WNK1: variants seen among roughly 807,000 people sequenced by gnomAD.
WNK1 encodes WNK lysine deficient protein kinase 1.
In WNK1, 38 loss-of-function variants were observed where a neutral mutation model predicts 222.8. The observed-to-expected ratio is 0.17, with a 90% CI of 0.13 to 0.22. The LOEUF (loss-of-function observed/expected upper bound fraction) is 0.22, where lower values mean the gene tolerates loss of function less well. Ranked by LOEUF, WNK1 falls within the 10% of genes least tolerant of loss-of-function variation. WNK1 has a pLI of 1.00. For missense variants in WNK1, 2,348 were observed against 2,918.4 expected (o/e 0.80, Z 4.50); for synonymous variants, 1,090 against 1,092.9 (o/e 1.00, Z 0.05).
At chr12:889,392 C>T (rs971724249) in intron 21 of WNK1, among the ~76,000 whole-genome samples, 169 bp downstream of exon 21, 1 of 152,190 alleles carries the variant, frequency 6.6e-6, no homozygotes, top group Non-Finnish European at 1.5e-5. Context: ...CATGCTGACT[C>T]AGGAGTATCA....
chr12:890,489 G>A lies in WNK1; in HGVS notation c.5485G>A (p.Ala1829Thr). ...GGCGGCTCCAACAGCAATCACAGAA[G>A]CAGGAACACAGCCTCAGAAGGGTGG... ...SMAAPTAITE[A>T]GTQPQKGVSQ... Residue 1829 changes from alanine to threonine, a missense_variant, in exon 22 of 28, where the codon GCA (alanine) becomes ACA (threonine). Transcript: ENST00000315939. 1 of 1,614,148 alleles carries A rather than the reference G, an allele frequency of 6.2e-7. No homozygotes were observed. Among genetic ancestry groups the A allele is most frequent in the Non-Finnish European group, 8.5e-7 (1 of 1,180,002 alleles).
chr12:897,566 T>A lies in WNK1; in HGVS notation c.6333T>A (p.Ala2111=). The A allele has an allele frequency of 6.2e-7, 1 of 1,614,110 alleles. No homozygotes were observed. Among genetic ancestry groups the A allele is most frequent in the Non-Finnish European group, 8.5e-7 (1 of 1,179,912 alleles). Residue 2111 remains alanine, a synonymous_variant, in exon 25 of 28, where the codon GCT becomes GCA. Transcript: ENST00000315939. ...LYTKLGKVPP[A]VIIPPAAPLS... ...CCAAACTGGGCAAGGTGCCCCCTGC[T>A]GTTATTATTCCCCCAGCTGCTCCCC...
chr12:879,515 T>TTG, intron 10 of WNK1, 58 bp from the exon 11 acceptor site: 1 of 144,638 alleles, frequency 6.9e-6, no homozygotes, highest in South Asian at 7.2e-5. Flanking sequence ...CAGCCTTGCT[T>TTG]TTTTTTTTTT....
At chr12:881,066 A>C in intron 12 of WNK1, 67 bp downstream of exon 12, 2 of 1,591,764 alleles carry the variant, frequency 1.3e-6, no homozygotes, top group Non-Finnish European at 1.7e-6. Flanking sequence ...ATGATAAAGG[A>C]GAAAGAAACA....
chr12:772,826 G>A (rs1050297245), intron 1 of WNK1, among the ~76,000 whole-genome samples: 1 of 152,142 alleles, frequency 6.6e-6, no homozygotes, highest in Non-Finnish European at 1.5e-5. Context: ...TCTTTGTTCA[G>A]AGATTTGCAA....
rs75014878 is a variant in WNK1 at position 808,722 on chromosome 12, C to T, written c.760-4920C>T. Among the ~76,000 whole-genome samples, 618 of 150,376 alleles carry T rather than the reference C, an allele frequency of 4.1e-3. 4 individuals are homozygous for T. The highest frequency in any genetic ancestry group is 0.014 in the African/African-American group (579 of 40,970). On this transcript the variant is annotated intron_variant, in intron 1 of 27. Coordinates refer to ENST00000315939, the MANE Select transcript of WNK1 (RefSeq NM_018979.4). ...GGGTGCCTAATGAATAGAACCTATGCATTCGTATACATCTGGCTTGAGAAA... is the reference window on the plus strand; with the variant it reads ...GGGTGCCTAATGAATAGAACCTATGTATTCGTATACATCTGGCTTGAGAAA...
chr12:767,254 T>G (rs1426708715), intron 1 of WNK1, among the ~76,000 whole-genome samples: 1 of 133,486 alleles, frequency 7.5e-6, no homozygotes, highest in Non-Finnish European at 1.6e-5. Flanking sequence ...TTTTTTTTTT[T>G]TTTTTTTTTT....
At chr12:892,039 T>C (rs1954290603) in intron 22 of WNK1, among the ~76,000 whole-genome samples, 1 of 151,044 alleles carries the variant, frequency 6.6e-6, no homozygotes, top group Non-Finnish European at 1.5e-5. Context: ...AACTAACTTT[T>C]TTTTTTTTTT....
At chr12:804,568 T>G (rs1591778630) in intron 1 of WNK1, among the ~76,000 whole-genome samples, 1 of 152,308 alleles carries the variant, frequency 6.6e-6, no homozygotes, top group South Asian at 2.1e-4. Flanking sequence ...AGGTGGGGTT[T>G]CACCATGTTG....
intron 8 of WNK1, among the ~76,000 whole-genome samples, chr12:867,120 CAAAAA>C (rs1022761424): frequency 6.7e-6 from 1 of 150,260 alleles, no homozygotes; most frequent in Non-Finnish European, 1.5e-5. Context: ...GACTCCATCT[CAAAAA>C]AAAGAAAAAA....
At chr12:776,670 T>C (rs1355491493) in intron 1 of WNK1, among the ~76,000 whole-genome samples, 2 of 151,454 alleles carry the variant, frequency 1.3e-5, no homozygotes, top group Admixed American at 6.6e-5. Flanking sequence ...GACCTCGTGA[T>C]CTGCCCGCCT....
At chr12:832,068 AT>A (rs1026489648) in intron 4 of WNK1, among the ~76,000 whole-genome samples, 3 of 151,814 alleles carry the variant, frequency 2.0e-5, no homozygotes, top group Non-Finnish European at 4.4e-5. Flanking sequence ...TTTATTTTTA[AT>A]TTTTTATTTA....
At chr12:830,579 T>C (rs1453190510) in intron 4 of WNK1, among the ~76,000 whole-genome samples, 1 of 152,252 alleles carries the variant, frequency 6.6e-6, no homozygotes, top group Non-Finnish European at 1.5e-5. Context: ...TTATTAAATC[T>C]TATATATTAG....
chr12:804,920 A>AT (rs1369278590), intron 1 of WNK1, among the ~76,000 whole-genome samples: 13 of 118,130 alleles, frequency 1.1e-4, no homozygotes, highest in South Asian at 2.7e-4. Flanking sequence ...TTATATATAT[A>AT]ATTAATATTT....
Position 896,304 on chromosome 12 carries a change from G to A in WNK1, c.5817G>A (p.Gln1939=). 2 of 1,614,222 alleles carry A rather than the reference G, an allele frequency of 1.2e-6. No homozygotes were observed. The highest frequency in any genetic ancestry group is 1.7e-6 in the Non-Finnish European group (2 of 1,180,026). The change falls in exon 24 of 28, where the codon CAG becomes CAA. Residue 1939 remains glutamine, a synonymous_variant. Coordinates refer to ENST00000315939, the MANE Select transcript of WNK1 (RefSeq NM_018979.4). ...CAGAGGCAAAGTCAGACACTGGGCA[G>A]CCTACCAAGGTTGGACGTTTTCAGG... ...TASEAKSDTG[Q]PTKVGRFQVT...
intron 2 of WNK1, among the ~76,000 whole-genome samples, chr12:821,395 G>A (rs940305522): frequency 6.6e-6 from 1 of 152,168 alleles, no homozygotes; most frequent in African/African-American, 2.4e-5. Context: ...AGTAGGATTT[G>A]TGTTAATTCT....
intron 1 of WNK1, among the ~76,000 whole-genome samples, chr12:787,485 T>A (rs549483124): frequency 6.6e-6 from 1 of 152,290 alleles, no homozygotes; most frequent in African/African-American, 2.4e-5. Context: ...CAGAACAGGG[T>A]CTGGAAGTCA....
chr12:761,937 G>T lies in WNK1; in HGVS notation c.759+7613G>T, dbSNP rs1466548671. ...CATCCGTCAGTATACACAGGAGATT[G>T]GTTCCAGACAGCCCCCACCCCAGGG... On this transcript the variant is annotated intron_variant, in intron 1 of 27. Transcript: ENST00000315939. Among the ~76,000 whole-genome samples the T allele has an allele frequency of 1.4e-5, 2 of 147,240 alleles. 1 individual carries two copies. Among genetic ancestry groups the T allele is most frequent in the Non-Finnish European group, 3.0e-5 (2 of 65,978 alleles).
chr12:774,950 T>G (rs939305850), intron 1 of WNK1, among the ~76,000 whole-genome samples: 1 of 152,228 alleles, frequency 6.6e-6, no homozygotes, highest in Admixed American at 6.5e-5. Context: ...GCCGAGAATT[T>G]AATGTCAATA....
Sources: gnomAD v4.1 joint callset for allele counts (sites outside exome capture counted in the v4.1 genomes callset) on GRCh38, gnomAD v4.1.1 for gene constraint, MANE v1.5 for transcripts, NCBI Gene and HGNC (gene_info 2026-07-23, HGNC 2026-07-21) for gene names.